Variants in CCDC81 observed in about 807,000 individuals in gnomAD.
The protein encoded by CCDC81 is coiled-coil domain containing 81.
CCDC81 carries 79 observed loss-of-function variants against 83.7 expected under a neutral mutation model. That is an observed-to-expected ratio of 0.94 (90% confidence interval 0.79 to 1.14). CCDC81 has a LOEUF of 1.14. Among genes scored for constraint, CCDC81 ranks in the 50% most tolerant of loss-of-function variants. CCDC81 has a pLI of 0.00. For missense variants in CCDC81, 791 were observed against 778.1 expected (o/e 1.02, Z -0.20); for synonymous variants, 252 against 278.1 (o/e 0.91, Z 0.93).
At chr11:86,388,491 A>G (rs191456991) in intron 3 of CCDC81, among the ~76,000 whole-genome samples, 6 of 152,240 alleles carry the variant, frequency 3.9e-5, no homozygotes, top group East Asian at 1.9e-4. Flanking sequence ...AATGGAGACA[A>G]TCTATCTCCG....
rs369518601 is a variant in CCDC81 at position 86,387,681 on chromosome 11, T to C, written c.298+9T>C. On this transcript the variant is annotated intron_variant, in intron 3 of 14. Transcript: ENST00000445632. ...CAAAGTATATACTCCTGGTAAATAATTCTGATATGTAGGATTTTCCCAGAA... is the reference window on the plus strand; with the variant it reads ...CAAAGTATATACTCCTGGTAAATAACTCTGATATGTAGGATTTTCCCAGAA... 6.3e-7 allele frequency: 1 copy of C among 1,578,030 alleles called. No individual in the cohort carries two copies. Among genetic ancestry groups the C allele is most frequent in the Non-Finnish European group, 8.7e-7 (1 of 1,154,408 alleles).
rs1169224333 is a variant in CCDC81 at position 86,392,665 on chromosome 11, A to G, written c.423A>G (p.Lys141=). ...LLFLSRSISM[K]QNVEFTFKGI... ...TTTTATCGCGTTCCATTTCCATGAA[A>G]CAAAATGTGGAGTTTACATTCAAAG... Residue 141 remains lysine, a synonymous_variant, in exon 4 of 15, where the codon AAA becomes AAG. Transcript: ENST00000445632. The G allele has an allele frequency of 3.2e-6, 5 of 1,551,710 alleles. No homozygotes were observed. The highest frequency in any genetic ancestry group is 4.4e-6 in the Non-Finnish European group (5 of 1,146,982).
At chr11:86,409,495 C>A in intron 10 of CCDC81, 130 bp downstream of exon 10, 2 of 462,298 alleles carry the variant, frequency 4.3e-6, no homozygotes, top group South Asian at 5.2e-5. Flanking sequence ...CTCCGTCACC[C>A]AGGCTGCAGT....
intron 3 of CCDC81, among the ~76,000 whole-genome samples, chr11:86,392,160 C>G (rs531504985): frequency 6.6e-6 from 1 of 152,306 alleles, no homozygotes; most frequent in Non-Finnish European, 1.5e-5. Flanking sequence ...CAAACCATAT[C>G]AGCAAATATT....
chr11:86,411,552 AG>A (rs1200810606), intron 10 of CCDC81, among the ~76,000 whole-genome samples: 2 of 152,190 alleles, frequency 1.3e-5, no homozygotes, highest in African/African-American at 2.4e-5. Context: ...TTGGATCACC[AG>A]GGTCTAGAAT....
rs1254665999 is a variant in CCDC81, at chr11:86,387,517, G to A, written c.143G>A (p.Gly48Glu). 3 of 1,613,076 alleles carry A rather than the reference G, an allele frequency of 1.9e-6. No individual in the cohort carries two copies. Among genetic ancestry groups the A allele is most frequent in the Non-Finnish European group, 1.7e-6 (2 of 1,179,730 alleles). ...TTTTGTTTTGTTTTTTCCTTTCAGG[G>A]GGTTCAGATTCCAGCATTTGGAACT... ...FVRRQLTLHKGVQIPAFGTFT... is the reference protein window; with the variant it reads ...FVRRQLTLHKEVQIPAFGTFT... The change falls in exon 3 of 15, where the codon GGG becomes GAG. Residue 48 changes from glycine to glutamate, a missense_variant and splice_region_variant. By Grantham distance (98) the Gly-to-Glu change is moderately conservative. Transcript: ENST00000445632.
chr11:86,399,950 C>T (rs1948461840), intron 6 of CCDC81, among the ~76,000 whole-genome samples: 1 of 149,838 alleles, frequency 6.7e-6, no homozygotes, highest in Non-Finnish European at 1.5e-5. Context: ...TGGCGAAACC[C>T]CATCTCTACT....
intron 1 of CCDC81, among the ~76,000 whole-genome samples, chr11:86,377,834 T>C (rs921626249): frequency 6.6e-6 from 1 of 152,126 alleles, no homozygotes; most frequent in Non-Finnish European, 1.5e-5. Context: ...TAAAAAGTCA[T>C]TGCTATACCC....
chr11:86,384,554 AT>A (rs1948216386), intron 1 of CCDC81, among the ~76,000 whole-genome samples: 1 of 152,234 alleles, frequency 6.6e-6, no homozygotes, highest in Admixed American at 6.5e-5. Context: ...AAAAATATTT[AT>A]AACTCTGATA....
chr11:86,392,881 G>A lies in CCDC81; in HGVS notation c.555+84G>A, dbSNP rs186497298. 35 of 1,418,728 alleles carry A rather than the reference G, an allele frequency of 2.5e-5. 1 individual carries two copies. In the Middle Eastern group the frequency reaches 7.9e-4, roughly 32 times the overall value. The allele number at this position is 1,418,728 out of a possible 1,614,324, so 87.9% of individuals were successfully genotyped here. ...TAGGTGTGTTGTAATTAAGAAAAACGAAGGTTGACATATTTTGAGTGACAG... is the reference window on the plus strand; with the variant it reads ...TAGGTGTGTTGTAATTAAGAAAAACAAAGGTTGACATATTTTGAGTGACAG... On this transcript the variant is annotated intron_variant, in intron 4 of 14. Transcript: ENST00000445632.
At chr11:86,401,253 TATC>T (rs1178497482) in intron 7 of CCDC81, among the ~76,000 whole-genome samples, 1 of 152,218 alleles carries the variant, frequency 6.6e-6, no homozygotes, top group Non-Finnish European at 1.5e-5. Flanking sequence ...TATTACAATT[TATC>T]ATGGTCGTTT....
At chr11:86,394,873 C>G (rs1323733891) in intron 4 of CCDC81, among the ~76,000 whole-genome samples, 1 of 152,078 alleles carries the variant, frequency 6.6e-6, no homozygotes, top group Non-Finnish European at 1.5e-5. Flanking sequence ...TTTTATTATC[C>G]CCAGAAACCT....
rs117496917 is a variant in CCDC81, at chr11:86,378,628, T to G, written c.79+3386T>G. ...TCTCTTCTTGCAGTTCTACTAGTTT[T>G]TGCTTAATGTAATTTGACATACTAT... On this transcript the variant is annotated intron_variant, in intron 1 of 14. Transcript: ENST00000445632. 2.0e-4 allele frequency among the ~76,000 whole-genome samples: 31 copies of G among 152,368 alleles called. 1 individual carries two copies. In the East Asian group the frequency reaches 6.0e-3, roughly 29 times the overall value.
At chr11:86,410,454 A>G (rs533297360) in intron 10 of CCDC81, among the ~76,000 whole-genome samples, 3 of 152,302 alleles carry the variant, frequency 2.0e-5, no homozygotes, top group East Asian at 3.9e-4. Context: ...TATGAGCAAA[A>G]GAAGAGATTC....
At chr11:86,417,667 A>G (rs754690158) in intron 13 of CCDC81, among the ~76,000 whole-genome samples, 4 of 151,980 alleles carry the variant, frequency 2.6e-5, no homozygotes, top group Non-Finnish European at 4.4e-5. Context: ...ATATATTTTT[A>G]TACTGGTTCT....
At chr11:86,419,711 T>G (rs1279704013) in intron 13 of CCDC81, 1 of 378,772 alleles carries the variant, frequency 2.6e-6, no homozygotes, top group Non-Finnish European at 4.6e-6. Context: ...TCCTATTAAA[T>G]CAAACCAGGA....
rs1275871459 is a variant in CCDC81, at chr11:86,419,546, G to A, written c.1692-382G>A. 3 of 156,634 alleles carry A rather than the reference G, an allele frequency of 1.9e-5. No homozygotes were observed. The Admixed American group carries it at 1.9e-4, about 10-fold the overall frequency. 9.7% of individuals were successfully genotyped at this position (156,634 alleles called of 1,614,324 possible). On this transcript the variant is annotated intron_variant, in intron 13 of 14. Transcript: ENST00000445632. ...CCTTGTAATATGTCTGCAGTGACTG[G>A]TAGGCTGAGTACTGGCAGCTGAGAG...
intron 3 of CCDC81, among the ~76,000 whole-genome samples, chr11:86,388,375 C>T (rs1948277823): frequency 6.6e-6 from 1 of 152,122 alleles, no homozygotes. Flanking sequence ...TAACACCTCC[C>T]TTGGTTACTT....
intron 1 of CCDC81, among the ~76,000 whole-genome samples, chr11:86,377,968 C>CTTTTTTCTTTT (rs1948120747): frequency 1.4e-5 from 1 of 73,350 alleles, no homozygotes; most frequent in African/African-American, 5.2e-5. Context: ...TGCCTAGGTT[C>CTTTTTTCTTTT]TTTTTTTTTT....
Sources: allele counts gnomAD v4.1 joint callset (sites outside exome capture counted in the v4.1 genomes callset), GRCh38; gene constraint gnomAD v4.1.1; transcripts MANE v1.5; gene names NCBI Gene and HGNC (gene_info 2026-07-23, HGNC 2026-07-21).